The following ARMCX4 variants were observed in gnomAD, a reference collection of about 807,000 sequenced individuals.
The protein encoded by ARMCX4 is armadillo repeat containing X-linked 4.
A neutral mutation model predicts 34.7 loss-of-function variants in ARMCX4; 3 were observed. That is an observed-to-expected ratio of 0.09 (90% CI 0.04 to 0.22). The LOEUF (loss-of-function observed/expected upper bound fraction) is 0.22, where lower values mean the gene tolerates loss of function less well. Among genes scored for constraint, ARMCX4 ranks in the 10% least tolerant of loss-of-function variants. The pLI is 1.00. For missense variants in ARMCX4, 1,448 were observed against 1,720.8 expected, an observed-to-expected ratio of 0.84 and a Z score of 2.81; for synonymous variants, 513 against 632.8, an observed-to-expected ratio of 0.81 and a Z score of 2.84.
downstream of ARMCX4, among the ~76,000 whole-genome samples, chrX:101,448,398 A>T (rs1322710162): frequency 2.7e-5 from 3 of 111,652 alleles, no homozygotes; most frequent in African/African-American, 9.8e-5. Context: ...CTCTGTTTTT[A>T]CTTTTGTGAG....
intron 2 of ARMCX4, among the ~76,000 whole-genome samples, chrX:101,424,460 G>T (rs190096058): frequency 8.9e-6 from 1 of 111,910 alleles, no homozygotes; most frequent in Admixed American, 9.5e-5. Context: ...CAGAAGCATA[G>T]CTTACAACCT....
chrX:101,535,648 A>G (rs1354688886), downstream of ARMCX4, among the ~76,000 whole-genome samples: 1 of 111,509 alleles, frequency 9.0e-6, no homozygotes, highest in East Asian at 2.8e-4. Context: ...GACATTTCCA[A>G]TGAAATGTAG....
chrX:101,488,611 G>A lies in ARMCX4; in HGVS notation c.22G>A (p.Gly8Ser), dbSNP rs1556007562. The change falls in exon 6 of 6, where the codon GGC becomes AGC. Residue 8 changes from glycine (G) to serine (S), a missense_variant. Physicochemically the swap from Gly to Ser is moderately conservative, Grantham distance 56. Around this residue, in one of 2 missense-constraint regions of ARMCX4, gnomAD observed 1,343 missense variants for 1,540.7 expected, o/e 0.87. Coordinates refer to ENST00000423738, the MANE Select transcript of ARMCX4 (RefSeq NM_001256155.3). The part of the protein sequence containing the change: MGRIQEV[G>S]WVTAGLVIWA... ...TTACATGGGCCGCATTCAGGAAGTG[G>A]GCTGGGTGACTGCAGGACTGGTGAT... is the stretch of plus-strand genomic sequence containing the variant. 1 of 1,156,178 alleles carries A rather than the reference G, an allele frequency of 8.6e-7. No individual in the cohort carries two copies.
intron 4 of ARMCX4, among the ~76,000 whole-genome samples, chrX:101,479,304 CCACACACACACA>C (rs34549014): frequency 0.31 from 24,374 of 77,968 alleles, 3,023 homozygotes; most frequent in East Asian, 0.46. Context: ...ATAAAGAAAA[CCACACACACACA>C]CACACACACA....
At chrX:101,464,957 A>G (rs1932767504) in intron 4 of ARMCX4, among the ~76,000 whole-genome samples, 1 of 111,599 alleles carries the variant, frequency 9.0e-6, no homozygotes, top group Non-Finnish European at 1.9e-5. Flanking sequence ...ACAATGTAAA[A>G]TTTATACTAG....
intron 4 of ARMCX4, among the ~76,000 whole-genome samples, chrX:101,455,898 T>C (rs960138499): frequency 9.0e-6 from 1 of 111,090 alleles, no homozygotes; most frequent in Non-Finnish European, 1.9e-5. Flanking sequence ...CACTTATAAG[T>C]CAGAATACGA....
At chrX:101,486,183 G>A (rs1453228659) in intron 2 of ARMCX4, 91 bp downstream of exon 2, 1 of 110,956 alleles carries the variant, frequency 9.0e-6, no homozygotes, top group African/African-American at 3.3e-5. Context: ...AATGGGATGT[G>A]GGGTGGGGCT....
intron 2 of ARMCX4, among the ~76,000 whole-genome samples, chrX:101,443,055 C>T (rs1381208209): frequency 3.0e-5 from 3 of 98,605 alleles, no homozygotes; most frequent in South Asian, 9.4e-4. Context: ...GGCATGAACC[C>T]AGGAGGCAGA....
At chrX:101,479,092 A>C (rs782074844) in intron 4 of ARMCX4, among the ~76,000 whole-genome samples, 1 of 111,189 alleles carries the variant, frequency 9.0e-6, no homozygotes, top group East Asian at 2.8e-4. Context: ...CTAGAATCTG[A>C]GATGATATTT....
chrX:101,439,671 C>A (rs782144853), intron 2 of ARMCX4, among the ~76,000 whole-genome samples: 1 of 111,529 alleles, frequency 9.0e-6, no homozygotes, highest in Non-Finnish European at 1.9e-5. Flanking sequence ...AGGCTTTGTT[C>A]GTTTCTTTGT....
chrX:101,434,261 T>TA (rs1381318511), intron 2 of ARMCX4, among the ~76,000 whole-genome samples: 1 of 106,854 alleles, frequency 9.4e-6, no homozygotes, highest in Non-Finnish European at 1.9e-5. Flanking sequence ...ATTCTTTTTT[T>TA]TTTTTTTTTT....
chrX:101,455,050 G>C (rs782780018), intron 4 of ARMCX4, among the ~76,000 whole-genome samples: 1 of 111,752 alleles, frequency 8.9e-6, no homozygotes, highest in African/African-American at 3.2e-5. Flanking sequence ...TCAACATATG[G>C]ATTTTTTGAG....
chrX:101,531,756 G>A (rs1423905180), exon 12 of ARMCX4: 4 of 111,964 alleles, frequency 3.6e-5, no homozygotes, highest in Non-Finnish European at 7.5e-5. Context: ...CAGAGAAGAT[G>A]ATGAGCCTTT....
upstream of ARMCX4, among the ~76,000 whole-genome samples, chrX:101,482,745 A>T (rs934361776): frequency 9.0e-6 from 1 of 111,086 alleles, no homozygotes; most frequent in Non-Finnish European, 1.9e-5. Flanking sequence ...TGGGATTTGT[A>T]TGTAAAGTAA....
At chrX:101,521,132 A>G (rs1469031911) in intron 11 of ARMCX4, among the ~76,000 whole-genome samples, 1 of 109,847 alleles carries the variant, frequency 9.1e-6, no homozygotes, top group African/African-American at 3.3e-5. Context: ...GGGTTTCACC[A>G]TATTGGCCAG....
intron 4 of ARMCX4, among the ~76,000 whole-genome samples, chrX:101,476,735 T>C (rs781807356): frequency 1.8e-5 from 2 of 111,543 alleles, no homozygotes; most frequent in South Asian, 7.4e-4. Context: ...TACACTCACT[T>C]ACATATTCAA....
Position 101,490,250 on chromosome X carries a change from T to TCAAGACCCCAGCTGAGGC in ARMCX4, c.1663_1680dup (p.Lys555_Ala560dup), listed in dbSNP as rs782536221. On this transcript the variant is annotated inframe_insertion, in exon 6 of 6. Transcript: ENST00000423738. ...ACCTGTACACAACCTCAGGCTGGGG[T>TCAAGACCCCAGCTGAGGC]CAAGACCCCAGCTGAGGCCTTGCTT... The TCAAGACCCCAGCTGAGGC allele has an allele frequency of 1.6e-4, 180 of 1,151,629 alleles. No homozygotes were observed. In the African/African-American group the frequency reaches 2.5e-3, roughly 16 times the overall value. 94.9% of individuals were successfully genotyped at this position (1,151,629 alleles called of 1,213,427 possible). A position where few individuals can be genotyped will look rare whatever the true frequency, so the allele number is the denominator to read the frequency against.
intron 4 of ARMCX4, among the ~76,000 whole-genome samples, chrX:101,459,142 G>T (rs1932480669): frequency 9.0e-6 from 1 of 111,700 alleles, no homozygotes; most frequent in Admixed American, 9.5e-5. Context: ...GTCTTGTTTA[G>T]CCACTCCAGT....
chrX:101,433,169 C>T (rs1444784157), intron 2 of ARMCX4, among the ~76,000 whole-genome samples: 1 of 56,739 alleles, frequency 1.8e-5, no homozygotes, highest in Non-Finnish European at 4.3e-5. Context: ...TGTATACATA[C>T]ATGTGTATAT....
Sources: gnomAD v4.1 joint callset for allele counts (sites outside exome capture counted in the v4.1 genomes callset) on GRCh38, gnomAD v4.1.1 for gene constraint, gnomAD v4.1.1 regional missense constraint, MANE v1.5 for transcripts, NCBI Gene and HGNC (gene_info 2026-07-23, HGNC 2026-07-21) for gene names.